The following MYOCD variants were observed in gnomAD, a reference collection of about 807,000 sequenced individuals.
The protein encoded by MYOCD is myocardin.
Under a neutral mutation model 96.1 loss-of-function variants are expected in MYOCD, and 32 were observed. The ratio of observed to expected loss-of-function variants is 0.33; its 90% CI spans 0.25 to 0.45. The LOEUF (loss-of-function observed/expected upper bound fraction) is 0.45, where lower values mean the gene tolerates loss of function less well. MYOCD is among the 20% of genes least tolerant of loss of function. The pLI, the probability that MYOCD is intolerant of heterozygous loss-of-function variation, is 1.00. For missense variants in MYOCD, 1,133 were observed against 1,200.6 expected (o/e 0.94, Z 0.83); for synonymous variants, 469 against 469.0 (o/e 1.00, Z 0.00).
At chr17:12,714,858 A>G (rs2031589428) in intron 2 of MYOCD, among the ~76,000 whole-genome samples, 1 of 152,156 alleles carries the variant, frequency 6.6e-6, no homozygotes, top group Non-Finnish European at 1.5e-5. Context: ...GAGTTGTCAC[A>G]GGACCTATGC....
intron 9 of MYOCD, among the ~76,000 whole-genome samples, chr17:12,752,106 T>C (rs889071727): frequency 6.6e-6 from 1 of 152,134 alleles, no homozygotes; most frequent in Non-Finnish European, 1.5e-5. Flanking sequence ...ATCTATAAAA[T>C]GGGGACACAG....
intron 3 of MYOCD, among the ~76,000 whole-genome samples, chr17:12,716,936 G>A (rs2031657635): frequency 7.0e-6 from 1 of 141,970 alleles, no homozygotes; most frequent in South Asian, 2.3e-4. Context: ...GCTGCAGTGA[G>A]CTTTGATTGT....
chr17:12,711,924 C>CTTTTT (rs11388469), intron 2 of MYOCD, among the ~76,000 whole-genome samples: 1 of 134,834 alleles, frequency 7.4e-6, no homozygotes, highest in Non-Finnish European at 1.6e-5. Flanking sequence ...TTTCTTTTTT[C>CTTTTT]TTTTTTTTTT....
At chr17:12,742,710 A>C (rs1448537882) in intron 7 of MYOCD, among the ~76,000 whole-genome samples, 1 of 151,728 alleles carries the variant, frequency 6.6e-6, no homozygotes, top group Non-Finnish European at 1.5e-5. Flanking sequence ...AGCTGAGACT[A>C]CAGGCATCTA....
Position 12,670,482 on chromosome 17 carries a change from C to T in MYOCD, c.55+4239C>T, listed in dbSNP as rs915860765. Among the ~76,000 whole-genome samples, 77 of 152,074 alleles carry T rather than the reference C, an allele frequency of 5.1e-4. 1 individual carries two copies. Among genetic ancestry groups the T allele is most frequent in the Non-Finnish European group, 8.8e-5 (6 of 67,994 alleles). On this transcript the variant is annotated intron_variant, in intron 1 of 13. Transcript: ENST00000425538. ...AGGAATTGAGCTTAGCCTAAGAAGT[C>T]GGTCCCCAAGATTTTTATCATAATG...
chr17:12,763,126 A>C lies in MYOCD; in HGVS notation c.2443A>C (p.Ile815Leu). Residue 815 changes from isoleucine to leucine, a missense_variant, in exon 14 of 14, where the codon ATA becomes CTA. Ile to Leu is a conservative substitution (Grantham distance 5). Coordinates refer to ENST00000425538, the MANE Select transcript of MYOCD (RefSeq NM_001146312.3). ...CTCATGTCTTCAAAAAGTCCCAAAGATACCCAGATCTTCCCGAAGTCCAAC... is the reference window on the plus strand; with the variant it reads ...CTCATGTCTTCAAAAAGTCCCAAAGCTACCCAGATCTTCCCGAAGTCCAAC... ...DHSCLQKVPKIPRSSRSPTAV... is the reference protein window; with the variant it reads ...DHSCLQKVPKLPRSSRSPTAV... 6.2e-7 allele frequency: 1 copy of C among 1,614,056 alleles called. No homozygotes were observed. The highest frequency in any genetic ancestry group is 8.5e-7 in the Non-Finnish European group (1 of 1,180,000).
chr17:12,733,395 G>A (rs992831590), intron 5 of MYOCD, among the ~76,000 whole-genome samples: 3 of 151,698 alleles, frequency 2.0e-5, no homozygotes, highest in Non-Finnish European at 4.4e-5. Context: ...CAACCAAGCA[G>A]GTTGATGATG....
At position 12,736,289 on chromosome 17, in the gene MYOCD, G is replaced by T; in HGVS notation, c.544G>T (p.Ala182Ser). ...PQNSAGSPPDAKASDTPSTGS... is the reference protein window; with the variant it reads ...PQNSAGSPPDSKASDTPSTGS... Reference sequence around the variant, plus strand: ...AAACTCAGCGGGATCCCCGCCAGACGCTAAAGCCTCAGATACCCCTTCGAC... The same window carrying T: ...AAACTCAGCGGGATCCCCGCCAGACTCTAAAGCCTCAGATACCCCTTCGAC... Residue 182 changes from alanine to serine, a missense_variant, in exon 6 of 14, where the codon GCT (alanine) becomes TCT (serine). By Grantham distance (99) the Ala-to-Ser change is moderately conservative. Transcript: ENST00000425538. The T allele has an allele frequency of 6.2e-7, 1 of 1,614,190 alleles. No homozygotes were observed. The highest frequency in any genetic ancestry group is 8.5e-7 in the Non-Finnish European group (1 of 1,180,026).
chr17:12,694,079 A>C (rs1188086128), intron 1 of MYOCD, among the ~76,000 whole-genome samples: 3 of 152,182 alleles, frequency 2.0e-5, no homozygotes, highest in African/African-American at 4.8e-5. Flanking sequence ...CCTGTCACTT[A>C]GAGGTGGGTA....
chr17:12,708,671 G>A (rs540375539), intron 2 of MYOCD, among the ~76,000 whole-genome samples: 16 of 152,168 alleles, frequency 1.1e-4, no homozygotes, highest in Admixed American at 6.5e-5. Context: ...GATTACAGGC[G>A]TGAGCCACCG....
chr17:12,692,987 T>A (rs2150658434), intron 1 of MYOCD, among the ~76,000 whole-genome samples: 1 of 152,184 alleles, frequency 6.6e-6, no homozygotes, highest in East Asian at 1.9e-4. Context: ...GCAGAGATAG[T>A]ATAGCTCCCA....
At chr17:12,723,582 T>G (rs575261551) in intron 5 of MYOCD, among the ~76,000 whole-genome samples, 1 of 152,338 alleles carries the variant, frequency 6.6e-6, no homozygotes, top group South Asian at 2.1e-4. Flanking sequence ...ACACAAATAC[T>G]GATTCTGTTA....
chr17:12,749,064 T>C (rs2032751395), intron 9 of MYOCD, among the ~76,000 whole-genome samples: 1 of 151,996 alleles, frequency 6.6e-6, no homozygotes, highest in Non-Finnish European at 1.5e-5. Context: ...TTGAAAAAAT[T>C]ACGTGCACAT....
chr17:12,730,939 A>G (rs987931285), intron 5 of MYOCD, among the ~76,000 whole-genome samples: 1 of 152,220 alleles, frequency 6.6e-6, no homozygotes, highest in Non-Finnish European at 1.5e-5. Context: ...TTATGCAAAG[A>G]AAGTACAGCT....
intron 1 of MYOCD, among the ~76,000 whole-genome samples, chr17:12,673,985 A>T (rs1875325896): frequency 6.6e-6 from 1 of 152,088 alleles, no homozygotes; most frequent in Admixed American, 6.6e-5. Flanking sequence ...GTGGTCTGCT[A>T]TTTAGGGACC....
intron 1 of MYOCD, among the ~76,000 whole-genome samples, chr17:12,699,584 A>G (rs1445677325): frequency 1.3e-5 from 2 of 152,166 alleles, no homozygotes; most frequent in Non-Finnish European, 2.9e-5. Flanking sequence ...TTTCATATTT[A>G]CCAGGACAAC....
intron 2 of MYOCD, among the ~76,000 whole-genome samples, chr17:12,712,296 G>C (rs2031505253): frequency 6.6e-6 from 1 of 152,156 alleles, no homozygotes; most frequent in South Asian, 2.1e-4. Context: ...TAGTAGCAAT[G>C]GATCTGGTAT....
At chr17:12,718,909 C>G (rs549298239) in intron 4 of MYOCD, among the ~76,000 whole-genome samples, 1 of 152,038 alleles carries the variant, frequency 6.6e-6, no homozygotes, top group Non-Finnish European at 1.5e-5. Context: ...TGTGGTGGCT[C>G]ACGCCTGTAA....
chr17:12,699,815 A>C (rs986545156), intron 1 of MYOCD, among the ~76,000 whole-genome samples: 8 of 152,100 alleles, frequency 5.3e-5, no homozygotes, highest in African/African-American at 1.7e-4. Context: ...AGTTGCATAC[A>C]TCAAGTAGCT....
Sources: allele counts gnomAD v4.1 joint callset (sites outside exome capture counted in the v4.1 genomes callset), GRCh38; gene constraint gnomAD v4.1.1; transcripts MANE v1.5; gene names NCBI Gene and HGNC (gene_info 2026-07-23, HGNC 2026-07-21).